The following REPS2 variants were observed in gnomAD, a reference collection of about 807,000 sequenced individuals.
The protein encoded by REPS2 is ralBP1-associated Eps domain-containing protein 2.
Under a neutral mutation model 53.6 loss-of-function variants are expected in REPS2, and 23 were observed. That is an observed-to-expected ratio of 0.43 (90% confidence interval 0.31 to 0.61). REPS2 has a LOEUF of 0.61. Among genes scored for constraint, REPS2 ranks in the 20% least tolerant of loss-of-function variants. The pLI is 0.11. For missense variants in REPS2, 446 were observed against 534.9 expected, an observed-to-expected ratio of 0.83 and a Z score of 1.64; for synonymous variants, 238 against 218.6, an observed-to-expected ratio of 1.09 and a Z score of -0.78.
chrX:17,166,521 T>A, the REPS2 span, among the ~76,000 whole-genome samples: 3 of 112,447 alleles, frequency 2.7e-5, no homozygotes, highest in African/African-American at 9.7e-5. Flanking sequence ...GCCTGCAACA[T>A]CTGCAGCACT....
chrX:16,988,869 G>T (rs887935303), intron 1 of REPS2, among the ~76,000 whole-genome samples: 2 of 111,787 alleles, frequency 1.8e-5, no homozygotes, highest in African/African-American at 6.5e-5. Context: ...ACATAGTAAA[G>T]ATATCATTTC....
At chrX:16,971,149 C>T (rs780690648) in intron 1 of REPS2, among the ~76,000 whole-genome samples, 19 of 112,150 alleles carry the variant, frequency 1.7e-4, no homozygotes, top group Middle Eastern at 4.6e-3. Flanking sequence ...TCCTTACCAA[C>T]GTTTGTTATT....
At chrX:17,186,109 A>G in the REPS2 span, among the ~76,000 whole-genome samples, 1 of 112,612 alleles carries the variant, frequency 8.9e-6, no homozygotes, top group Non-Finnish European at 1.9e-5. Context: ...TAAATTAGTC[A>G]GCCCATCAAT....
chrX:16,991,728 A>T (rs903318685), intron 1 of REPS2, among the ~76,000 whole-genome samples: 4 of 110,444 alleles, frequency 3.6e-5, no homozygotes, highest in Non-Finnish European at 5.7e-5. Context: ...AGTAGAATAA[A>T]AAATAAATAA....
At chrX:16,970,852 G>T (rs2060882233) in intron 1 of REPS2, among the ~76,000 whole-genome samples, 1 of 112,492 alleles carries the variant, frequency 8.9e-6, no homozygotes, top group Non-Finnish European at 1.9e-5. Flanking sequence ...TGCCAGTTCT[G>T]CTGTATGGCT....
At chrX:17,091,416 A>G (rs1416353170) in intron 13 of REPS2, among the ~76,000 whole-genome samples, 4 of 111,509 alleles carry the variant, frequency 3.6e-5, no homozygotes, top group Non-Finnish European at 7.5e-5. Context: ...AAAATGTGGT[A>G]CTGATTACTG....
intron 9 of REPS2, 49 bp downstream of exon 9, chrX:17,062,581 TCCA>T: frequency 1.1e-6 from 1 of 909,334 alleles, no homozygotes; most frequent in Non-Finnish European, 1.5e-6. Flanking sequence ...TGGAGCTAAA[TCCA>T]TTGGCCTATG....
the REPS2 span, among the ~76,000 whole-genome samples, chrX:17,169,606 T>C: frequency 1.1e-4 from 12 of 111,728 alleles, no homozygotes; most frequent in Admixed American, 8.5e-4. Context: ...TGCTTGAGCC[T>C]GGGAAGTTGA....
At chrX:17,166,025 A>G in the REPS2 span, among the ~76,000 whole-genome samples, 1 of 111,837 alleles carries the variant, frequency 8.9e-6, no homozygotes, top group African/African-American at 3.2e-5. Flanking sequence ...TTATGCCTTC[A>G]TGATTATTAT....
chrX:17,192,211 C>G, the REPS2 span, among the ~76,000 whole-genome samples: 1 of 112,390 alleles, frequency 8.9e-6, no homozygotes, highest in South Asian at 3.6e-4. Flanking sequence ...TGTGCGTGCA[C>G]GCATGAGCGT....
intron 17 of REPS2, among the ~76,000 whole-genome samples, chrX:17,146,290 A>G (rs1186848002): frequency 1.8e-5 from 2 of 109,966 alleles, no homozygotes; most frequent in Non-Finnish European, 3.8e-5. Flanking sequence ...TTGTTCATCA[A>G]ATTCACCAAA....
At chrX:17,136,749 A>T (rs1472476215) in intron 16 of REPS2, 2 of 112,190 alleles carry the variant, frequency 1.8e-5, no homozygotes, top group Non-Finnish European at 3.8e-5. Context: ...AACTTTTGTC[A>T]TGCCTAAAAT....
At chrX:17,137,002 G>T (rs750316564) in intron 16 of REPS2, 3 of 112,472 alleles carry the variant, frequency 2.7e-5, no homozygotes, top group Admixed American at 1.9e-4. Context: ...ATATTCCATT[G>T]TATGGATAGA....
At chrX:17,190,930 C>T in the REPS2 span, among the ~76,000 whole-genome samples, 1 of 111,288 alleles carries the variant, frequency 9.0e-6, no homozygotes, top group African/African-American at 3.3e-5. Context: ...AAAAGATGAA[C>T]CTTGACCCAA....
At position 16,946,820 on chromosome X, in the gene REPS2, C is replaced by G; in HGVS notation, c.-42C>G. The G allele has an allele frequency of 2.1e-5, 16 of 755,646 alleles. No individual in the cohort carries two copies. The highest frequency in any genetic ancestry group is 2.3e-5 in the Non-Finnish European group (15 of 643,555). 62.3% of individuals were successfully genotyped at this position (755,646 alleles called of 1,213,427 possible). Reference sequence around the variant, plus strand: ...TGGCTGTGGCGGACGCAGCAGCACCCCAGCTAGGGACAGGGCTCCGCCGCG... The same window carrying G: ...TGGCTGTGGCGGACGCAGCAGCACCGCAGCTAGGGACAGGGCTCCGCCGCG... On this transcript the variant is annotated 5_prime_UTR_variant, in exon 1 of 18. Transcript: ENST00000357277.
intron 14 of REPS2, among the ~76,000 whole-genome samples, chrX:17,113,091 C>CAAAAAA (rs10567369): frequency 2.1e-3 from 28 of 13,558 alleles, no homozygotes; most frequent in Admixed American, 5.4e-3. Context: ...GACTCTGTCT[C>CAAAAAA]AAAAAAAAAA....
intron 6 of REPS2, among the ~76,000 whole-genome samples, chrX:17,050,141 CCTTT>C (rs774556038): frequency 0.086 from 1,762 of 20,397 alleles, 80 homozygotes; most frequent in Non-Finnish European, 0.14. Flanking sequence ...TTCCTTTCTT[CCTTT>C]CTTTCTTTCT....
intron 2 of REPS2, among the ~76,000 whole-genome samples, chrX:17,008,201 A>G (rs745822793): frequency 1.8e-5 from 2 of 112,452 alleles, no homozygotes; most frequent in Non-Finnish European, 3.8e-5. Context: ...ATCACACTGA[A>G]TTTGGATTTG....
chrX:17,172,999 G>GTGTGCA, the REPS2 span, among the ~76,000 whole-genome samples: 1 of 110,652 alleles, frequency 9.0e-6, no homozygotes, highest in East Asian at 2.8e-4. Flanking sequence ...GTGTGTGTGT[G>GTGTGCA]TGTGTGCATC....
Sources: allele counts gnomAD v4.1 joint callset (sites outside exome capture counted in the v4.1 genomes callset), GRCh38; gene constraint gnomAD v4.1.1; transcripts MANE v1.5; gene names NCBI Gene and HGNC (gene_info 2026-07-23, HGNC 2026-07-21).